The following UGT2A1 variants were observed in gnomAD, a reference collection of about 807,000 sequenced individuals.
UGT2A1 encodes the protein UDP-glucuronosyltransferase 2A1.
Under a neutral mutation model 45.4 loss-of-function variants are expected in UGT2A1, and 61 were observed. The observed-to-expected ratio is 1.34, with a 90% CI of 1.09 to 1.66. The LOEUF is 1.66. UGT2A1 is among the 40% of genes most tolerant of loss of function. UGT2A1 has a pLI of 0.00. For missense variants in UGT2A1, 649 were observed against 574.3 expected (o/e 1.13, Z -1.33); for synonymous variants, 229 against 196.2 (o/e 1.17, Z -1.40).
intron 3 of UGT2A1, among the ~76,000 whole-genome samples, chr4:69,634,866 C>T (rs1721588137): frequency 6.6e-6 from 1 of 152,068 alleles, no homozygotes. Flanking sequence ...AGACAAAATG[C>T]CCATTACCCT....
intron 3 of UGT2A1, among the ~76,000 whole-genome samples, chr4:69,610,409 G>T (rs1470464058): frequency 6.6e-6 from 1 of 151,796 alleles, no homozygotes; most frequent in Non-Finnish European, 1.5e-5. Flanking sequence ...TAACTGTTAG[G>T]GCATTTTAGG....
At chr4:69,621,661 A>T (rs1180916047) in intron 3 of UGT2A1, among the ~76,000 whole-genome samples, 1 of 151,946 alleles carries the variant, frequency 6.6e-6, no homozygotes, top group Admixed American at 6.6e-5. Context: ...GTATACACCG[A>T]AAGGAATATA....
rs1181516867 is a variant in UGT2A1 at position 69,606,736 on chromosome 4, A to C, written c.848-7342T>G. The stretch of plus-strand genomic sequence containing the variant: ...AACTTCAGCAAAGTCTCAGGATACA[A>C]AATCAATGTGCAAAAATCACAAGCA... On this transcript the variant is annotated intron_variant, in intron 3 of 6. Transcript: ENST00000286604. 2.2e-5 allele frequency among the ~76,000 whole-genome samples: 3 copies of C among 137,028 alleles called. 1 individual carries two copies. Among genetic ancestry groups the C allele is most frequent in the Non-Finnish European group, 4.7e-5 (3 of 64,346 alleles). 89.9% of individuals were successfully genotyped at this position (137,028 alleles called of 152,430 possible). A position where few individuals can be genotyped will look rare whatever the true frequency, so the allele number is the denominator to read the frequency against.
chr4:69,600,472 GA>G (rs1187393591), intron 3 of UGT2A1, among the ~76,000 whole-genome samples: 1 of 152,186 alleles, frequency 6.6e-6, no homozygotes, highest in Non-Finnish European at 1.5e-5. Flanking sequence ...CAGAATTGAG[GA>G]ATGAGTAGGA....
chr4:69,623,907 A>G (rs984665205), intron 3 of UGT2A1, among the ~76,000 whole-genome samples: 5 of 151,636 alleles, frequency 3.3e-5, no homozygotes, highest in Non-Finnish European at 7.4e-5. Context: ...GATTTTACAA[A>G]ATTAATGCTG....
At chr4:69,595,047 G>A in intron 5 of UGT2A1, 115 bp downstream of exon 5, 2 of 1,367,134 alleles carry the variant, frequency 1.5e-6, no homozygotes, top group Non-Finnish European at 2.0e-6. Flanking sequence ...CTTTAAAATT[G>A]AGTGTCAAAT....
chr4:69,623,086 A>C (rs4473712), intron 3 of UGT2A1, among the ~76,000 whole-genome samples: 122,955 of 151,762 alleles, frequency 0.81, 50,069 homozygotes, highest in African/African-American at 0.89. Flanking sequence ...ATAAACACAG[A>C]TAACAGCTAC....
chr4:69,603,994 C>G (rs1719455210), intron 3 of UGT2A1, among the ~76,000 whole-genome samples: 1 of 136,782 alleles, frequency 7.3e-6, no homozygotes, highest in Non-Finnish European at 1.6e-5. Context: ...AAACACTCTG[C>G]AGGATATTAT....
intron 3 of UGT2A1, among the ~76,000 whole-genome samples, chr4:69,628,049 T>G (rs1275806026): frequency 6.6e-6 from 1 of 152,014 alleles, no homozygotes; most frequent in East Asian, 1.9e-4. Context: ...TGTTTTTGCT[T>G]TTGGTGTTAT....
Position 69,589,519 on chromosome 4 carries a change from A to G in UGT2A1, c.1437T>C (p.His479=), listed in dbSNP as rs760575332. 3.1e-6 allele frequency: 5 copies of G among 1,614,040 alleles called. No individual in the cohort carries two copies. The African/African-American group carries it at 6.7e-5, about 22-fold the overall frequency. The part of the protein sequence containing the change: ...KGAKHLRVAA[H]DLTWFQYHSL... ...AGTGGTACTGGAACCAGGTGAGGTCATGGGCTGCAACCCGAAGGTGCTTGG... is the reference window on the plus strand; with the variant it reads ...AGTGGTACTGGAACCAGGTGAGGTCGTGGGCTGCAACCCGAAGGTGCTTGG... The change falls in exon 7 of 7, where the codon CAT becomes CAC. Residue 479 remains histidine, a synonymous_variant. Transcript: ENST00000286604.
At chr4:69,616,345 T>C (rs1720382797) in intron 3 of UGT2A1, among the ~76,000 whole-genome samples, 1 of 151,946 alleles carries the variant, frequency 6.6e-6, no homozygotes, top group African/African-American at 2.4e-5. Context: ...TAGTTAATAA[T>C]AATTTGTGTG....
At position 69,606,250 on chromosome 4, in the gene UGT2A1, G is replaced by C. The variant is rs1719605141; in HGVS notation, c.848-6856C>G. ...ATGATCAAGTGGGCTTCATCCCTGG[G>C]ACGCAAGGCTGGGTCAACATACGCA... On this transcript the variant is annotated intron_variant, in intron 3 of 6. Transcript: ENST00000286604. Among the ~76,000 whole-genome samples the C allele has an allele frequency of 2.2e-5, 3 of 136,348 alleles. 1 individual carries two copies. The highest frequency in any genetic ancestry group is 2.2e-4 in the Admixed American group (3 of 13,816). The allele number at this position is 136,348 out of a possible 152,430, so 89.4% of individuals were successfully genotyped here.
rs565661864 is a variant in UGT2A1 at position 69,603,361 on chromosome 4, A to C, written c.848-3967T>G. Among the ~76,000 whole-genome samples the C allele has an allele frequency of 2.5e-4, 34 of 137,502 alleles. 7 individuals are homozygous for C. The highest frequency in any genetic ancestry group is 7.7e-3 in the Middle Eastern group (2 of 260). 90.2% of individuals were successfully genotyped at this position (137,502 alleles called of 152,430 possible). ...ATGACAAAGATGCAGGCATGCAGGA[A>C]AAAATGTTTTCAATAAATAGTGATG... On this transcript the variant is annotated intron_variant, in intron 3 of 6. Transcript: ENST00000286604.
rs188355222 is a variant in UGT2A1, at chr4:69,608,529, C to T, written c.848-9135G>A. The stretch of plus-strand genomic sequence containing the variant: ...GGCACATGTATGTAACTAACCTGCA[C>T]GTTGTGTACATGTACCCTAAAACTT... On this transcript the variant is annotated intron_variant, in intron 3 of 6. Transcript: ENST00000286604. 4.9e-3 allele frequency among the ~76,000 whole-genome samples: 743 copies of T among 150,526 alleles called. 6 individuals carry two copies. The highest frequency in any genetic ancestry group is 0.017 in the African/African-American group (701 of 40,898).
chr4:69,633,215 T>G (rs1381878448), intron 3 of UGT2A1, among the ~76,000 whole-genome samples: 1 of 152,174 alleles, frequency 6.6e-6, no homozygotes, highest in Non-Finnish European at 1.5e-5. Context: ...GAAATCATAC[T>G]GTACACTTTA....
chr4:69,591,664 C>G (rs956978308), intron 6 of UGT2A1, among the ~76,000 whole-genome samples: 1 of 152,070 alleles, frequency 6.6e-6, no homozygotes, highest in Non-Finnish European at 1.5e-5. Context: ...CTTCCTCTGG[C>G]TGAGGAGGAA....
chr4:69,615,214 T>A (rs1364415659), intron 3 of UGT2A1, among the ~76,000 whole-genome samples: 4 of 151,988 alleles, frequency 2.6e-5, no homozygotes, highest in African/African-American at 9.7e-5. Flanking sequence ...AAAAATTAAA[T>A]CACTCTAATT....
intron 3 of UGT2A1, among the ~76,000 whole-genome samples, chr4:69,613,396 A>G (rs1433277950): frequency 6.6e-6 from 1 of 151,996 alleles, no homozygotes; most frequent in African/African-American, 2.4e-5. Flanking sequence ...GTTGAATTCT[A>G]CCAAACATTT....
In UGT2A1 at chr4:69,606,535, C is replaced by A. The variant is rs1172826778; in HGVS notation, c.848-7141G>T. The stretch of plus-strand genomic sequence containing the variant: ...CACAAGACAGGGATGCCCTCTCTCA[C>A]CACTCCTATTCAACATAGTGTTGGA... On this transcript the variant is annotated intron_variant, in intron 3 of 6. Coordinates refer to ENST00000286604, the MANE Select transcript of UGT2A1 (RefSeq NM_001252275.3). Among the ~76,000 whole-genome samples the A allele has an allele frequency of 2.2e-5, 3 of 136,298 alleles. 1 individual carries two copies. Among genetic ancestry groups the A allele is most frequent in the Non-Finnish European group, 4.7e-5 (3 of 64,204 alleles). 89.4% of individuals were successfully genotyped at this position (136,298 alleles called of 152,430 possible).
Sources: allele counts gnomAD v4.1 joint callset (sites outside exome capture counted in the v4.1 genomes callset), GRCh38; gene constraint gnomAD v4.1.1; transcripts MANE v1.5; gene names NCBI Gene and HGNC (gene_info 2026-07-23, HGNC 2026-07-21).